The following RHCE variants were observed in gnomAD, a reference collection of about 807,000 sequenced individuals.
RHCE encodes Rh blood group CcEe antigens.
RHCE carries 22 observed loss-of-function variants against 43.8 expected under a neutral mutation model. The observed-to-expected ratio is 0.50, with a 90% CI of 0.36 to 0.72. The LOEUF is 0.72. RHCE is among the 30% of genes least tolerant of loss of function. The probability of loss-of-function intolerance (pLI) is 0.00; values close to 1 mark genes in which losing one functional copy is unlikely to be tolerated. For missense variants in RHCE, 385 were observed against 525.4 expected, an observed-to-expected ratio of 0.73 and a Z score of 2.61; for synonymous variants, 156 against 210.7, an observed-to-expected ratio of 0.74 and a Z score of 2.25.
chr1:25,381,094 A>G (rs1254180613), intron 7 of RHCE, among the ~76,000 whole-genome samples: 11 of 151,600 alleles, frequency 7.3e-5, no homozygotes, highest in East Asian at 1.9e-4. Context: ...TTTCTTATCA[A>G]TCGGTAGCTT....
intron 7 of RHCE, among the ~76,000 whole-genome samples, chr1:25,380,899 CTT>C (rs898980956): frequency 9.3e-5 from 12 of 128,920 alleles, no homozygotes; most frequent in Non-Finnish European, 1.3e-4. Context: ...TTCTTTCTTC[CTT>C]TTTTTTTTTT....
chr1:25,362,612 G>T, intron 9 of RHCE, 59 bp from the exon 10 acceptor site: 2 of 1,214,532 alleles, frequency 1.6e-6, no homozygotes. Flanking sequence ...ATTTTGGCTT[G>T]ATCTCTTGAA....
At chr1:25,395,572 G>GT (rs1336137403) in intron 3 of RHCE, among the ~76,000 whole-genome samples, 2 of 151,904 alleles carry the variant, frequency 1.3e-5, no homozygotes, top group African/African-American at 4.8e-5. Flanking sequence ...CACCTTTATG[G>GT]TTCTTACACT....
chr1:25,426,093 G>A (rs920975739), intron 2 of RHCE, among the ~76,000 whole-genome samples: 21 of 152,184 alleles, frequency 1.4e-4, no homozygotes, highest in African/African-American at 4.8e-4. Context: ...AAGATTCAAC[G>A]AGGCAGTGCA....
intron 1 of RHCE, among the ~76,000 whole-genome samples, chr1:25,412,990 C>T (rs1324502348): frequency 1.3e-5 from 2 of 152,140 alleles, no homozygotes; most frequent in Non-Finnish European, 2.9e-5. Context: ...CACCACTGTA[C>T]TCCAGCCTGG....
chr1:25,382,011 G>A lies in RHCE; in HGVS notation c.1073+3700C>T, dbSNP rs866498878. Among the ~76,000 whole-genome samples, 5 of 151,340 alleles carry A rather than the reference G, an allele frequency of 3.3e-5. No homozygotes were observed. In the South Asian group the frequency reaches 6.2e-4, roughly 19 times the overall value. On this transcript the variant is annotated intron_variant, in intron 7 of 9. Coordinates refer to ENST00000294413, the MANE Select transcript of RHCE (RefSeq NM_020485.8). ...TAGAGGCTGGGAAGTCCAAAAGCAT[G>A]GTGCCACCATCTGGTGAGGGCCTTC... is the stretch of plus-strand genomic sequence containing the variant.
intron 6 of RHCE, 26 bp from the exon 7 acceptor site, chr1:25,385,870 G>T (rs1410900837): frequency 1.2e-6 from 2 of 1,613,916 alleles, no homozygotes; most frequent in African/African-American, 2.7e-5. Flanking sequence ...ATTATAAGCA[G>T]ATTGGCAGGT....
chr1:25,411,166 C>T (rs1264926542), intron 1 of RHCE, among the ~76,000 whole-genome samples: 1 of 151,652 alleles, frequency 6.6e-6, no homozygotes, highest in African/African-American at 2.4e-5. Context: ...CTGTGGTCTT[C>T]TAAGTTGCTT....
rs192982932 is a variant in RHCE, at chr1:25,402,826, A to G, written c.336-80T>C. On this transcript the variant is annotated intron_variant, in intron 2 of 9. Transcript: ENST00000294413. Reference sequence around the variant, plus strand: ...ATTCATTCATTCATTCATTCATTCAACAAACACTGTTGGGCACCTTACTTT... The same window carrying G: ...ATTCATTCATTCATTCATTCATTCAGCAAACACTGTTGGGCACCTTACTTT... 6.8e-5 allele frequency: 107 copies of G among 1,574,010 alleles called. No homozygotes were observed. In the African/African-American group the frequency reaches 1.2e-3, roughly 17 times the overall value.
chr1:25,414,116 T>G (rs1647202692), intron 1 of RHCE, among the ~76,000 whole-genome samples: 1 of 151,952 alleles, frequency 6.6e-6, no homozygotes, highest in Admixed American at 6.6e-5. Context: ...TGTTACCCCG[T>G]GCCGGCCGCT....
chr1:25,421,624 C>T (rs1334104138), upstream of RHCE, among the ~76,000 whole-genome samples: 1 of 152,290 alleles, frequency 6.6e-6, no homozygotes, highest in African/African-American at 2.4e-5. Flanking sequence ...ACAGTCCAGT[C>T]CCCTGGCATG....
At chr1:25,422,756 G>A (rs1737348), upstream of RHCE, among the ~76,000 whole-genome samples, 12 of 152,132 alleles carry the variant, frequency 7.9e-5, 1 homozygote, top group African/African-American at 2.4e-4. Flanking sequence ...GGGTTTTGTA[G>A]AAGACAATTT....
intron 1 of RHCE, among the ~76,000 whole-genome samples, chr1:25,429,613 A>T (rs1463337013): frequency 6.6e-6 from 1 of 152,104 alleles, no homozygotes; most frequent in Non-Finnish European, 1.5e-5. Flanking sequence ...TAAAAACAGT[A>T]TGACTACTAT....
chr1:25,400,006 T>A, intron 3 of RHCE, among the ~76,000 whole-genome samples: 1 of 152,040 alleles, frequency 6.6e-6, no homozygotes, highest in Admixed American at 6.5e-5. Context: ...ATAATAATAA[T>A]AATTTTAAAA....
Position 25,389,056 on chromosome 1 carries a change from G to A in RHCE, c.859C>T (p.Leu287=). 1.2e-6 allele frequency: 2 copies of A among 1,614,178 alleles called. No homozygotes were observed. Among genetic ancestry groups the A allele is most frequent in the Non-Finnish European group, 1.7e-6 (2 of 1,180,024 alleles). The stretch of plus-strand genomic sequence containing the variant: ...ATGGCAAGCCACGGAGAAGGGATCA[G>A]GTGACACGAGGTACCCACAGCCACG... ...GGVAVGTSCH[L]IPSPWLAMVL... Residue 287 remains leucine, a synonymous_variant, in exon 6 of 10, where the codon CTG becomes TTG. Coordinates refer to ENST00000294413, the MANE Select transcript of RHCE (RefSeq NM_020485.8).
intron 3 of RHCE, among the ~76,000 whole-genome samples, chr1:25,395,669 G>A (rs1485330141): frequency 6.6e-6 from 1 of 152,066 alleles, no homozygotes; most frequent in East Asian, 1.9e-4. Flanking sequence ...ATATTAAGCA[G>A]AGAGAAAAGG....
chr1:25,397,441 G>A (rs1358357903), intron 3 of RHCE, among the ~76,000 whole-genome samples: 1 of 151,468 alleles, frequency 6.6e-6, no homozygotes, highest in Non-Finnish European at 1.5e-5. Flanking sequence ...AGGTTGCAGT[G>A]AGCCGAGATT....
chr1:25,381,996 G>T (rs1015760568), intron 7 of RHCE, among the ~76,000 whole-genome samples: 6 of 151,088 alleles, frequency 4.0e-5, no homozygotes, highest in Admixed American at 2.6e-4. Flanking sequence ...TAGAGGCTGG[G>T]AAGTCCAAAA....
In RHCE at chr1:25,411,337, C is replaced by T. The variant is rs1647070384; in HGVS notation, c.149-2468G>A. ...CATGACAATCACAGCAATAGGAACT[C>T]ACCTGCCACTGGTCTCCAGCCCTGG... On this transcript the variant is annotated intron_variant, in intron 1 of 9. Transcript: ENST00000294413. 14 of 1,550,484 alleles carry T rather than the reference C, an allele frequency of 9.0e-6. No homozygotes were observed. In the Middle Eastern group the frequency reaches 8.3e-4, roughly 92 times the overall value.
Sources: gnomAD v4.1 joint callset for allele counts (sites outside exome capture counted in the v4.1 genomes callset) on GRCh38, gnomAD v4.1.1 for gene constraint, MANE v1.5 for transcripts, NCBI Gene and HGNC (gene_info 2026-07-23, HGNC 2026-07-21) for gene names.